The following FRMD4B variants were observed in gnomAD, a reference collection of about 807,000 sequenced individuals.
FRMD4B encodes the protein FERM domain containing 4B, also known as FERM domain-containing protein 4B.
A neutral mutation model predicts 141.5 loss-of-function variants in FRMD4B; 74 were observed. The ratio of observed to expected loss-of-function variants is 0.52; its 90% CI spans 0.43 to 0.63. The LOEUF (loss-of-function observed/expected upper bound fraction) is 0.63. Ranked by LOEUF, FRMD4B falls within the 30% of genes least tolerant of loss-of-function variation. The probability of loss-of-function intolerance (pLI) is 0.00; values close to 1 mark genes in which losing one functional copy is unlikely to be tolerated. For synonymous variants in FRMD4B, 506 were observed against 467.9 expected (o/e 1.08, Z -1.05); for missense variants, 1,366 against 1,253.4 (o/e 1.09, Z -1.36).
At chr3:69,416,781 T>C (rs1033755369) in intron 2 of FRMD4B, among the ~76,000 whole-genome samples, 2 of 152,168 alleles carry the variant, frequency 1.3e-5, no homozygotes, top group African/African-American at 4.8e-5. Context: ...AGCTCCTACT[T>C]ATGAGTGAGA....
At chr3:69,299,728 G>T (rs568378178) in intron 4 of FRMD4B, among the ~76,000 whole-genome samples, 2 of 152,202 alleles carry the variant, frequency 1.3e-5, no homozygotes, top group African/African-American at 4.8e-5. Context: ...ATTTCTAATT[G>T]TTTGCACCGA....
At chr3:69,486,101 G>A (rs115644982) in intron 1 of FRMD4B, among the ~76,000 whole-genome samples, 2,008 of 152,316 alleles carry the variant, frequency 0.013, 38 homozygotes, top group African/African-American at 0.044. Flanking sequence ...GCATGTAGTT[G>A]CCATGTTGGG....
intron 1 of FRMD4B, among the ~76,000 whole-genome samples, chr3:69,506,431 A>G (rs1706597297): frequency 6.6e-6 from 1 of 151,954 alleles, no homozygotes; most frequent in Non-Finnish European, 1.5e-5. Flanking sequence ...CCTGGAACCC[A>G]AGTGTAAAAA....
intron 12 of FRMD4B, 86 bp from the exon 13 acceptor site, chr3:69,197,124 G>T (rs2092915728): frequency 4.0e-6 from 4 of 1,008,436 alleles, no homozygotes; most frequent in Non-Finnish European, 5.9e-6. Context: ...TTGTAACAAA[G>T]CATGTTCCTC....
intron 1 of FRMD4B, among the ~76,000 whole-genome samples, chr3:69,531,068 A>G (rs1701003499): frequency 6.6e-6 from 1 of 152,284 alleles, no homozygotes; most frequent in Non-Finnish European, 1.5e-5. Context: ...ACCACTTACT[A>G]CTTATCCCTT....
chr3:69,425,810 A>G (rs1035583633), intron 2 of FRMD4B, among the ~76,000 whole-genome samples: 11 of 152,204 alleles, frequency 7.2e-5, no homozygotes, highest in African/African-American at 2.2e-4. Context: ...GTAACTCTCC[A>G]AAGATCCCAA....
chr3:69,505,080 C>G (rs1379036856), intron 1 of FRMD4B, among the ~76,000 whole-genome samples: 1 of 51,868 alleles, frequency 1.9e-5, no homozygotes, highest in East Asian at 6.0e-4. Context: ...CCAAAGGAAA[C>G]AAATAGTGGC....
intron 1 of FRMD4B, among the ~76,000 whole-genome samples, chr3:69,361,987 C>A (rs938878841): frequency 1.3e-5 from 2 of 152,124 alleles, no homozygotes; most frequent in African/African-American, 4.8e-5. Context: ...ATCTGGTTAT[C>A]CCACATCTTT....
At chr3:69,318,629 C>G (rs1701884412) in intron 1 of FRMD4B, among the ~76,000 whole-genome samples, 1 of 152,160 alleles carries the variant, frequency 6.6e-6, no homozygotes, top group Non-Finnish European at 1.5e-5. Flanking sequence ...GGTCAGGGGG[C>G]TGATTTGATG....
At chr3:69,249,329 CT>C (rs2093446332) in intron 6 of FRMD4B, 81 bp from the exon 7 acceptor site, 3 of 917,414 alleles carry the variant, frequency 3.3e-6, no homozygotes, top group Non-Finnish European at 5.1e-6. Context: ...TTACTTTCCC[CT>C]CTTAAAGTTC....
chr3:69,322,739 G>A (rs1575730090), intron 1 of FRMD4B, among the ~76,000 whole-genome samples: 1 of 152,058 alleles, frequency 6.6e-6, no homozygotes, highest in South Asian at 2.1e-4. Context: ...TGGGACCACA[G>A]GCATGTGCCA....
At chr3:69,485,160 C>A (rs1706194090) in intron 1 of FRMD4B, among the ~76,000 whole-genome samples, 1 of 152,224 alleles carries the variant, frequency 6.6e-6, no homozygotes, top group Admixed American at 6.5e-5. Flanking sequence ...AGGGGGCTGG[C>A]ATGTCAGCAC....
At chr3:69,334,789 T>C (rs116812345) in intron 1 of FRMD4B, among the ~76,000 whole-genome samples, 1,726 of 152,318 alleles carry the variant, frequency 0.011, 20 homozygotes, top group Non-Finnish European at 0.017. Context: ...CAAGCTCTTA[T>C]TGTGTTCCAG....
chr3:69,344,315 A>C (rs1404535790), intron 1 of FRMD4B, among the ~76,000 whole-genome samples: 1 of 152,174 alleles, frequency 6.6e-6, no homozygotes, highest in Admixed American at 6.5e-5. Context: ...GAAAAGGAGA[A>C]TATCAGTGGA....
chr3:69,261,152 T>C (rs1270206356), intron 5 of FRMD4B, among the ~76,000 whole-genome samples: 1 of 152,178 alleles, frequency 6.6e-6, no homozygotes, highest in Non-Finnish European at 1.5e-5. Flanking sequence ...TGCTCACTCT[T>C]TGGGTCCACA....
chr3:69,376,603 TG>T (rs11355646), intron 1 of FRMD4B, among the ~76,000 whole-genome samples: 47,144 of 151,872 alleles, frequency 0.31, 7,597 homozygotes, highest in African/African-American at 0.41. Context: ...TAGGGGAAAA[TG>T]GGACTATTTA....
chr3:69,291,654 A>G (rs1026645145), intron 4 of FRMD4B, among the ~76,000 whole-genome samples: 2 of 152,202 alleles, frequency 1.3e-5, no homozygotes, highest in African/African-American at 4.8e-5. Context: ...ACTTGATTAG[A>G]ATGACCTAAA....
chr3:69,313,422 C>A, intron 2 of FRMD4B, 30 bp downstream of exon 2: 2 of 1,507,006 alleles, frequency 1.3e-6, no homozygotes, highest in Non-Finnish European at 1.8e-6. Context: ...CAAGACTTAT[C>A]TGGGCAACAC....
chr3:69,457,108 T>G (rs1317447540), intron 1 of FRMD4B, among the ~76,000 whole-genome samples: 1 of 152,182 alleles, frequency 6.6e-6, no homozygotes, highest in Non-Finnish European at 1.5e-5. Flanking sequence ...AAGTTAAAGT[T>G]ATTTTTGCAA....
Sources: allele counts gnomAD v4.1 joint callset (sites outside exome capture counted in the v4.1 genomes callset), GRCh38; gene constraint gnomAD v4.1.1; transcripts MANE v1.5; gene names NCBI Gene and HGNC (gene_info 2026-07-23, HGNC 2026-07-21).